AMPD3: variants seen among roughly 807,000 people sequenced by gnomAD.
AMPD3 encodes the protein AMP deaminase 3.
AMPD3 carries 57 observed loss-of-function variants against 82.3 expected under a neutral mutation model. The observed-to-expected ratio is 0.69, with a 90% confidence interval of 0.56 to 0.86. The LOEUF (loss-of-function observed/expected upper bound fraction) is 0.86. Among genes scored for constraint, AMPD3 ranks in the 40% least tolerant of loss-of-function variants. AMPD3 has a pLI of 0.00. For missense variants in AMPD3, 870 were observed against 1,003.8 expected, an observed-to-expected ratio of 0.87 and a Z score of 1.80; for synonymous variants, 381 against 394.7, an observed-to-expected ratio of 0.97 and a Z score of 0.41.
rs1056072596 is a variant in AMPD3 at position 10,504,735 on chromosome 11, T to C, written c.2127+76T>C. 7.5e-6 allele frequency: 10 copies of C among 1,328,336 alleles called. No individual in the cohort carries two copies. The South Asian group carries it at 8.2e-5, about 11-fold the overall frequency. 82.3% of individuals were successfully genotyped at this position (1,328,336 alleles called of 1,614,324 possible). ...TGTGTGCCAGGAGCCTTCCAGGCAC[T>C]GGGGATCTGTGATGAACATAGCAGG... On this transcript the variant is annotated intron_variant, in intron 14 of 14. Transcript: ENST00000396553.
At chr11:10,494,849 G>A (rs1849344085) in intron 7 of AMPD3, 50 bp from the exon 8 acceptor site, 1 of 1,592,636 alleles carries the variant, frequency 6.3e-7, no homozygotes, top group African/African-American at 1.3e-5. Flanking sequence ...AGGGGAACGT[G>A]CATGGTGGCT....
intron 10 of AMPD3, 127 bp from the exon 11 acceptor site, chr11:10,499,959 C>G: frequency 6.5e-7 from 1 of 1,530,204 alleles, no homozygotes; most frequent in South Asian, 1.2e-5. Context: ...CAAGGGGTCC[C>G]CAGCTGAGGT....
chr11:10,462,355 C>T (rs950030469), intron 2 of AMPD3, among the ~76,000 whole-genome samples: 1 of 152,104 alleles, frequency 6.6e-6, no homozygotes, highest in African/African-American at 2.4e-5. Flanking sequence ...AGATTAGACA[C>T]AGTAAGGAGC....
chr11:10,466,205 T>C (rs1293908638), intron 2 of AMPD3, among the ~76,000 whole-genome samples: 1 of 151,542 alleles, frequency 6.6e-6, no homozygotes, highest in African/African-American at 2.4e-5. Flanking sequence ...GAGGTTGCAG[T>C]GATCTGAGAT....
chr11:10,460,207 C>T (rs1391023529), intron 1 of AMPD3, among the ~76,000 whole-genome samples: 3 of 151,474 alleles, frequency 2.0e-5, no homozygotes, highest in Non-Finnish European at 4.4e-5. Context: ...AAGAGATCCT[C>T]CTGCCTCAGC....
intron 4 of AMPD3, 185 bp from the exon 5 acceptor site, chr11:10,484,635 A>T (rs1849010046): frequency 9.3e-6 from 6 of 643,760 alleles, no homozygotes; most frequent in South Asian, 6.9e-5. Flanking sequence ...TAAAGAAGTG[A>T]CATGGTTTGA....
chr11:10,496,232 T>A (rs913399294), intron 9 of AMPD3: 12 of 985,298 alleles, frequency 1.2e-5, no homozygotes, highest in Middle Eastern at 5.2e-4. Flanking sequence ...GAACTCTTGA[T>A]CTTTGAAAAA....
chr11:10,497,547 G>C, intron 10 of AMPD3: 1 of 984,538 alleles, frequency 1.0e-6, no homozygotes, highest in Non-Finnish European at 1.2e-6. Context: ...CCTGGTGATG[G>C]ATGACTTTCT....
intron 12 of AMPD3, chr11:10,502,078 C>T (rs1849595916): frequency 1.0e-6 from 1 of 985,316 alleles, no homozygotes; most frequent in Admixed American, 6.1e-5. Flanking sequence ...AGAGTCCATC[C>T]ACCTTTTCAC....
chr11:10,478,476 C>T, intron 2 of AMPD3, 50 bp from the exon 3 acceptor site: 2 of 1,607,526 alleles, frequency 1.2e-6, no homozygotes, highest in East Asian at 2.2e-5. Flanking sequence ...TTATCACTCA[C>T]CCCAATTAGC....
At chr11:10,480,290 G>A (rs1351828590) in intron 3 of AMPD3, among the ~76,000 whole-genome samples, 1 of 152,196 alleles carries the variant, frequency 6.6e-6, no homozygotes, top group Admixed American at 6.5e-5. Flanking sequence ...GCCATGGCAT[G>A]AGCCCCTTGT....
Position 10,483,585 on chromosome 11 carries a change from G to A in AMPD3, c.590-1235G>A, listed in dbSNP as rs1291950395. Among the ~76,000 whole-genome samples, 3 of 152,248 alleles carry A rather than the reference G, an allele frequency of 2.0e-5. No individual in the cohort carries two copies. The East Asian group carries it at 5.8e-4, about 29-fold the overall frequency. ...CCCTGGGTTCTGGGCATGAGTATGG[G>A]GAAGAGGAGCAACTTCCGAACATGC... On this transcript the variant is annotated intron_variant, in intron 4 of 14. Transcript: ENST00000396553.
At chr11:10,487,156 C>G (rs778594747) in intron 5 of AMPD3, 79 bp from the exon 6 acceptor site, 14 of 1,605,068 alleles carry the variant, frequency 8.7e-6, no homozygotes, top group Non-Finnish European at 1.2e-5. Flanking sequence ...CAGGGTTGGC[C>G]CCTGCAGATG....
chr11:10,459,063 C>G (rs1264888437), intron 1 of AMPD3, among the ~76,000 whole-genome samples: 1 of 152,134 alleles, frequency 6.6e-6, no homozygotes, highest in South Asian at 2.1e-4. Context: ...AGCTTCCCCC[C>G]TCTCTGCTAT....
At chr11:10,466,679 G>A (rs1007617699) in intron 2 of AMPD3, among the ~76,000 whole-genome samples, 67 of 152,228 alleles carry the variant, frequency 4.4e-4, no homozygotes, top group African/African-American at 1.4e-3. Context: ...CCAGCACAGC[G>A]TTCAAGCTCT....
intron 2 of AMPD3, among the ~76,000 whole-genome samples, chr11:10,474,592 G>T (rs1182616638): frequency 1.3e-5 from 2 of 152,216 alleles, no homozygotes; most frequent in African/African-American, 4.8e-5. Flanking sequence ...CAGGTGCTGG[G>T]AGGTAAGATG....
At chr11:10,499,642 G>C (rs1441853587) in intron 10 of AMPD3, 1 of 985,158 alleles carries the variant, frequency 1.0e-6, no homozygotes, top group African/African-American at 1.7e-5. Flanking sequence ...CGTGAGTAAA[G>C]TGCTTTGAGC....
Position 10,493,553 on chromosome 11 carries a change from C to T in AMPD3, c.1134+10C>T. 6.2e-7 allele frequency: 1 copy of T among 1,613,542 alleles called. No homozygotes were observed. The highest frequency in any genetic ancestry group is 8.5e-7 in the Non-Finnish European group (1 of 1,179,728). ...ACTGGATGTCCACGCGGTGAGTGAG[C>T]TTCTGCTCCAGTGCCGCCAGCAGAC... is the stretch of plus-strand genomic sequence containing the variant. On this transcript the variant is annotated intron_variant, in intron 7 of 14. Transcript: ENST00000396553.
chr11:10,496,063 C>A (rs1480869956), intron 9 of AMPD3: 3 of 261,914 alleles, frequency 1.1e-5, no homozygotes, highest in Non-Finnish European at 1.8e-5. Context: ...ATTACAGGCA[C>A]CCGCCACCAC....
Sources: gnomAD v4.1 joint callset for allele counts (sites outside exome capture counted in the v4.1 genomes callset) on GRCh38, gnomAD v4.1.1 for gene constraint, MANE v1.5 for transcripts, NCBI Gene and HGNC (gene_info 2026-07-23, HGNC 2026-07-21) for gene names.